GFM1: variants seen among roughly 807,000 people sequenced by gnomAD.
GFM1 encodes the protein G elongation factor mitochondrial 1.
GFM1 carries 62 observed loss-of-function variants against 96.2 expected under a neutral mutation model. That is an observed-to-expected ratio of 0.64 (90% CI 0.53 to 0.80). The LOEUF is 0.80. GFM1 is among the 30% of genes least tolerant of loss of function. The pLI is 0.00. For missense variants in GFM1, 852 were observed against 916.6 expected (o/e 0.93, Z 0.91); for synonymous variants, 282 against 312.9 (o/e 0.90, Z 1.04).
intron 13 of GFM1, among the ~76,000 whole-genome samples, chr3:158,677,438 G>A (rs1724996420): frequency 6.6e-6 from 1 of 152,248 alleles, no homozygotes; most frequent in South Asian, 2.1e-4. Context: ...TGTGGAAGCT[G>A]CAGCAATGAT....
At chr3:158,654,901 T>C (rs1383723447) in intron 8 of GFM1, among the ~76,000 whole-genome samples, 1 of 152,226 alleles carries the variant, frequency 6.6e-6, no homozygotes, top group Non-Finnish European at 1.5e-5. Context: ...TTTTATTTAA[T>C]GTCACAGTAG....
chr3:158,671,307 T>C (rs1007800440), intron 13 of GFM1, among the ~76,000 whole-genome samples: 2 of 152,354 alleles, frequency 1.3e-5, no homozygotes, highest in South Asian at 2.1e-4. Flanking sequence ...TCTGTGATCT[T>C]AAAGTCTCTA....
At chr3:158,670,419 A>G (rs1348080855) in intron 13 of GFM1, among the ~76,000 whole-genome samples, 1 of 151,902 alleles carries the variant, frequency 6.6e-6, no homozygotes, top group East Asian at 1.9e-4. Flanking sequence ...ACTCATTTAT[A>G]TTAGGCATAA....
intron 5 of GFM1, chr3:158,650,431 T>G: frequency 4.5e-6 from 1 of 220,772 alleles, no homozygotes; most frequent in South Asian, 7.2e-5. Context: ...AAGTAGAGAC[T>G]CTTAAACTTT....
intron 15 of GFM1, among the ~76,000 whole-genome samples, chr3:158,686,721 G>GTTTTTTTT (rs67517331): frequency 3.6e-4 from 31 of 85,744 alleles, no homozygotes; most frequent in African/African-American, 4.8e-4. Context: ...TTGAATTGAG[G>GTTTTTTTT]TTTTTTTTTT....
At chr3:158,673,761 C>A (rs896308298) in intron 13 of GFM1, among the ~76,000 whole-genome samples, 10 of 152,000 alleles carry the variant, frequency 6.6e-5, no homozygotes, top group Non-Finnish European at 1.2e-4. Context: ...ACCTTAGCCT[C>A]CCAAAGTGCT....
chr3:158,676,106 G>A (rs1214411192), intron 13 of GFM1, among the ~76,000 whole-genome samples: 5 of 152,116 alleles, frequency 3.3e-5, no homozygotes, highest in Non-Finnish European at 7.4e-5. Context: ...AGCCCTGTCT[G>A]TAAACTACAC....
intron 13 of GFM1, chr3:158,672,256 A>G: frequency 6.7e-7 from 1 of 1,503,382 alleles, no homozygotes. Flanking sequence ...AGGGGGTGGC[A>G]CGGAGTGTCT....
chr3:158,661,365 T>C (rs1412112232), intron 10 of GFM1, among the ~76,000 whole-genome samples: 1 of 152,226 alleles, frequency 6.6e-6, no homozygotes, highest in African/African-American at 2.4e-5. Flanking sequence ...AGTGGAGTGC[T>C]ACTTCCTTAT....
At chr3:158,682,474 G>A (rs1300543521) in intron 14 of GFM1, 1 of 294,406 alleles carries the variant, frequency 3.4e-6, no homozygotes, top group Non-Finnish European at 6.6e-6. Flanking sequence ...AGAGTTTTAT[G>A]TGTACTATTG....
intron 10 of GFM1, among the ~76,000 whole-genome samples, chr3:158,661,360 A>C (rs138959797): frequency 1.1e-3 from 173 of 152,288 alleles, no homozygotes; most frequent in African/African-American, 4.0e-3. Flanking sequence ...GTTTCAGTGG[A>C]GTGCTACTTC....
intron 13 of GFM1, among the ~76,000 whole-genome samples, chr3:158,681,419 G>A (rs1025266355): frequency 1.3e-5 from 2 of 152,140 alleles, no homozygotes; most frequent in Non-Finnish European, 2.9e-5. Context: ...AGTGAACTGT[G>A]TTTATACATC....
chr3:158,645,618 AT>A lies in GFM1; in HGVS notation c.82-4del. On this transcript the variant is annotated splice_polypyrimidine_tract_variant and intron_variant, in intron 1 of 17. Transcript: ENST00000486715. ...AAGGTGCATAGAATTGAGCTCTCGT[AT>A]TTTTTTCAGGTTAATTGGAAGGCCT... is the stretch of plus-strand genomic sequence containing the variant. 6.2e-7 allele frequency: 1 copy of A among 1,608,556 alleles called. No homozygotes were observed. Among genetic ancestry groups the A allele is most frequent in the Non-Finnish European group, 8.5e-7 (1 of 1,175,146 alleles).
intron 15 of GFM1, chr3:158,685,394 T>A (rs1012670486): frequency 3.9e-5 from 6 of 152,248 alleles, no homozygotes; most frequent in African/African-American, 1.4e-4. Flanking sequence ...TGAAAATACA[T>A]TAGTAATGTC....
At chr3:158,666,790 T>C (rs375575158) in intron 13 of GFM1, 1 of 1,560,006 alleles carries the variant, frequency 6.4e-7, no homozygotes, top group African/African-American at 1.4e-5. Context: ...CAGAAAACAT[T>C]TAGGAAAACG....
chr3:158,662,147 A>G (rs1723247606), intron 10 of GFM1, among the ~76,000 whole-genome samples: 3 of 152,152 alleles, frequency 2.0e-5, no homozygotes. Context: ...GCCTTTAGTG[A>G]CTGCATTCGT....
chr3:158,693,352 A>G lies in GFM1; in HGVS notation c.*1885A>G, dbSNP rs535222681. 2.6e-5 allele frequency: 4 copies of G among 152,216 alleles called. No individual in the cohort carries two copies. Among genetic ancestry groups the G allele is most frequent in the Non-Finnish European group, 4.4e-5 (3 of 68,038 alleles). 9.4% of individuals were successfully genotyped at this position (152,216 alleles called of 1,614,324 possible). A position where few individuals can be genotyped will look rare whatever the true frequency, so the allele number is the denominator to read the frequency against. On this transcript the variant is annotated 3_prime_UTR_variant, in exon 18 of 18. Coordinates refer to ENST00000486715, the MANE Select transcript of GFM1 (RefSeq NM_024996.7). ...ATGGCTATTGAGAATAGTCACAACT[A>G]CTGGAACTAAACTGGATAAATAAGT... is the stretch of plus-strand genomic sequence containing the variant.
intron 13 of GFM1, among the ~76,000 whole-genome samples, chr3:158,680,096 A>G (rs866338610): frequency 1.1e-4 from 16 of 152,172 alleles, no homozygotes; most frequent in African/African-American, 3.9e-4. Flanking sequence ...TCTTACATAT[A>G]TGTATATATA....
At position 158,693,196 on chromosome 3, in the gene GFM1, G is replaced by A. The variant is rs1726428236; in HGVS notation, c.*1729G>A. The A allele has an allele frequency of 6.6e-6, 1 of 152,094 alleles. No individual in the cohort carries two copies. The highest frequency in any genetic ancestry group is 1.5e-5 in the Non-Finnish European group (1 of 68,010). 9.4% of individuals were successfully genotyped at this position (152,094 alleles called of 1,614,324 possible). A position where few individuals can be genotyped will look rare whatever the true frequency, so the allele number is the denominator to read the frequency against. Reference sequence around the variant, plus strand: ...CCCATGAATGTCTGTTGCTACAGTAGCATCAGGTCTGAAAAAATGTGGTTG... The same window carrying A: ...CCCATGAATGTCTGTTGCTACAGTAACATCAGGTCTGAAAAAATGTGGTTG... On this transcript the variant is annotated 3_prime_UTR_variant, in exon 18 of 18. Transcript: ENST00000486715.
Sources: gnomAD v4.1 joint callset for allele counts (sites outside exome capture counted in the v4.1 genomes callset) on GRCh38, gnomAD v4.1.1 for gene constraint, MANE v1.5 for transcripts, NCBI Gene and HGNC (gene_info 2026-07-23, HGNC 2026-07-21) for gene names.